The following PCDH7 variants were observed in gnomAD, a reference collection of about 807,000 sequenced individuals.
The protein encoded by PCDH7 is protocadherin 7.
A neutral mutation model predicts 58.9 loss-of-function variants in PCDH7; 17 were observed. The ratio of observed to expected loss-of-function variants is 0.29; its 90% CI spans 0.20 to 0.43. PCDH7 has a LOEUF of 0.43. Ranked by LOEUF, PCDH7 falls within the 20% of genes least tolerant of loss-of-function variation. PCDH7 has a pLI of 1.00. For synonymous variants in PCDH7, 664 were observed against 616.4 expected (o/e 1.08, Z -1.14); for missense variants, 1,274 against 1,441.0 (o/e 0.88, Z 1.88).
chr4:30,850,320 G>A (rs181637232), intron 1 of PCDH7, among the ~76,000 whole-genome samples: 5 of 152,098 alleles, frequency 3.3e-5, no homozygotes, highest in Admixed American at 1.3e-4. Context: ...CGCTGAGTTC[G>A]CTTTCATATT....
At chr4:30,755,172 G>A (rs1044870906) in intron 1 of PCDH7, among the ~76,000 whole-genome samples, 1 of 152,134 alleles carries the variant, frequency 6.6e-6, no homozygotes, top group Non-Finnish European at 1.5e-5. Context: ...TCATATGCGT[G>A]CCATCCTATA....
chr4:30,875,556 A>C (rs755726401), intron 1 of PCDH7, among the ~76,000 whole-genome samples: 4 of 152,094 alleles, frequency 2.6e-5, no homozygotes, highest in Non-Finnish European at 5.9e-5. Context: ...CAGAACAAGA[A>C]TCCTAAAATT....
intron 1 of PCDH7, among the ~76,000 whole-genome samples, chr4:30,815,607 T>C (rs1174727109): frequency 6.6e-6 from 1 of 152,200 alleles, no homozygotes; most frequent in Non-Finnish European, 1.5e-5. Flanking sequence ...TTTACTGACG[T>C]TGAGCACATG....
At chr4:31,110,846 C>T (rs13148859) in intron 3 of PCDH7, among the ~76,000 whole-genome samples, 1,766 of 150,746 alleles carry the variant, frequency 0.012, 35 homozygotes, top group African/African-American at 0.034. Context: ...ACCTGGGAGG[C>T]GGAGCTTGTA....
At chr4:30,914,495 G>A (rs374577802) in intron 1 of PCDH7, among the ~76,000 whole-genome samples, 6 of 152,040 alleles carry the variant, frequency 3.9e-5, no homozygotes, top group African/African-American at 1.4e-4. Context: ...AAAATGTTGA[G>A]TATTATTGTA....
At chr4:30,798,577 G>A (rs557509164) in intron 1 of PCDH7, among the ~76,000 whole-genome samples, 4 of 152,290 alleles carry the variant, frequency 2.6e-5, no homozygotes, top group Non-Finnish European at 2.9e-5. Flanking sequence ...AAGACATTTT[G>A]TGAACAGAGT....
intron 1 of PCDH7, among the ~76,000 whole-genome samples, chr4:30,864,815 G>C (rs1192005827): frequency 6.6e-6 from 1 of 152,022 alleles, no homozygotes; most frequent in Admixed American, 6.6e-5. Flanking sequence ...TAGGGGTGGA[G>C]TTTTACAAAG....
At chr4:31,083,757 A>T (rs1014980284) in intron 3 of PCDH7, among the ~76,000 whole-genome samples, 1 of 152,302 alleles carries the variant, frequency 6.6e-6, no homozygotes, top group Admixed American at 6.5e-5. Context: ...TGAGCCCTTG[A>T]CCTTGTCAAA....
At chr4:30,968,402 ATATATATATATATGGG>A (rs1749240685) in intron 3 of PCDH7, among the ~76,000 whole-genome samples, 1 of 52,486 alleles carries the variant, frequency 1.9e-5, no homozygotes, top group African/African-American at 1.2e-4. Flanking sequence ...ATATATATAT[ATATATATATATATGGG>A]ATATTATGTC....
rs1024718303 is a variant in PCDH7 at position 31,094,133 on chromosome 4, C to T, written c.*8-48340C>T. On this transcript the variant is annotated intron_variant, in intron 3 of 3. Transcript: ENST00000509759. ...AAGAAAAATTGAGTGAAATAAAATA[C>T]GTGAAAACCATTTGTAAATTACCAT... is the stretch of plus-strand genomic sequence containing the variant. 5.9e-5 allele frequency among the ~76,000 whole-genome samples: 9 copies of T among 152,204 alleles called. 2 individuals carry two copies. Among genetic ancestry groups the T allele is most frequent in the South Asian group, 2.1e-4 (1 of 4,818 alleles).
rs1713929757 is a variant in PCDH7, at chr4:30,722,941, G to A, written c.1519G>A (p.Ala507Thr). 1 of 1,613,520 alleles carries A rather than the reference G, an allele frequency of 6.2e-7. No individual in the cohort carries two copies. Among genetic ancestry groups the A allele is most frequent in the Non-Finnish European group, 8.5e-7 (1 of 1,180,036 alleles). ...CCGGGAGTTCAACGTGGTCATCGTG[G>A]CGGTGGACTCAGGCAGCCCCAGCCT... The change falls in exon 1 of 2, where the codon GCG (alanine) becomes ACG (threonine). Residue 507 changes from alanine (A) to threonine (T), a missense_variant. Ala to Thr is a moderately conservative substitution (Grantham distance 58). Around this residue, in one of 3 missense-constraint regions of PCDH7, gnomAD observed 731 missense variants for 881.9 expected, o/e 0.83. Coordinates refer to ENST00000361762, the Ensembl canonical transcript of PCDH7. This position sits in a 1 kb window ranked among gnomAD's most constrained non-coding sequence, Gnocchi z 7.6.
At chr4:30,903,283 A>G (rs1404730803) in intron 1 of PCDH7, among the ~76,000 whole-genome samples, 1 of 152,158 alleles carries the variant, frequency 6.6e-6, no homozygotes. Context: ...AGAAGGAAGG[A>G]AGCAAAAGAC....
intron 3 of PCDH7, among the ~76,000 whole-genome samples, chr4:31,135,788 A>G (rs1719528256): frequency 6.6e-6 from 1 of 152,222 alleles, no homozygotes; most frequent in African/African-American, 2.4e-5. Context: ...AAAGATGCAA[A>G]TAGCCTTGCA....
chr4:30,856,086 A>G (rs1010437411), intron 1 of PCDH7, among the ~76,000 whole-genome samples: 12 of 152,106 alleles, frequency 7.9e-5, no homozygotes, highest in African/African-American at 2.7e-4. Context: ...TAGAAAATAC[A>G]GTGAGTTCTA....
chr4:31,099,683 C>T (rs1256548412), intron 3 of PCDH7, among the ~76,000 whole-genome samples: 1 of 152,214 alleles, frequency 6.6e-6, no homozygotes, highest in East Asian at 1.9e-4. Flanking sequence ...TGAAATTGAG[C>T]CCCTGAGAAC....
chr4:31,014,291 T>TA (rs2109157312), intron 3 of PCDH7, among the ~76,000 whole-genome samples: 1 of 152,320 alleles, frequency 6.6e-6, no homozygotes, highest in East Asian at 1.9e-4. Context: ...GTGATAATCA[T>TA]AAAAAATGAG....
At chr4:31,119,900 G>T (rs972523378) in intron 3 of PCDH7, among the ~76,000 whole-genome samples, 1 of 151,354 alleles carries the variant, frequency 6.6e-6, no homozygotes, top group African/African-American at 2.4e-5. Flanking sequence ...GGGCCCACTC[G>T]CCTAAGTCCA....
At chr4:31,000,956 T>C (rs933501638) in intron 3 of PCDH7, among the ~76,000 whole-genome samples, 3 of 152,146 alleles carry the variant, frequency 2.0e-5, no homozygotes, top group African/African-American at 4.8e-5. Context: ...CCCTGTTATA[T>C]AGATGGTGAA....
intron 3 of PCDH7, among the ~76,000 whole-genome samples, chr4:31,127,406 A>G (rs1219706133): frequency 6.6e-6 from 1 of 152,228 alleles, no homozygotes; most frequent in Non-Finnish European, 1.5e-5. Flanking sequence ...ATACTTAGGC[A>G]TTAGACCAGC....
Sources: gnomAD v4.1 joint callset for allele counts (sites outside exome capture counted in the v4.1 genomes callset) on GRCh38, gnomAD v4.1.1 for gene constraint, gnomAD v4.1.1 regional missense constraint, Gnocchi (gnomAD v3.1) non-coding constraint, MANE v1.5 for transcripts, NCBI Gene and HGNC (gene_info 2026-07-23, HGNC 2026-07-21) for gene names.